Variants in TTBK2 observed in about 807,000 individuals in gnomAD.
TTBK2 encodes tau-tubulin kinase 2.
A neutral mutation model predicts 110.8 loss-of-function variants in TTBK2; 28 were observed. The observed-to-expected ratio is 0.25, with a 90% CI of 0.19 to 0.35. The LOEUF is 0.35. TTBK2 is among the 10% of genes least tolerant of loss of function. The pLI is 1.00. For synonymous variants in TTBK2, 532 were observed against 527.3 expected, an observed-to-expected ratio of 1.01 and a Z score of -0.12; for missense variants, 1,369 against 1,500.3, an observed-to-expected ratio of 0.91 and a Z score of 1.45.
chr15:42,765,163 C>A (rs140929424), intron 13 of TTBK2, among the ~76,000 whole-genome samples: 17 of 152,272 alleles, frequency 1.1e-4, no homozygotes, highest in Middle Eastern at 3.4e-3. Context: ...TGGGAAGAAA[C>A]CAGAGCAGAA....
intron 3 of TTBK2, among the ~76,000 whole-genome samples, chr15:42,846,676 T>C (rs556105617): frequency 6.6e-6 from 1 of 152,352 alleles, no homozygotes; most frequent in East Asian, 1.9e-4. Context: ...TATTACTCTT[T>C]TGATAACACC....
At chr15:42,772,372 G>A (rs1358026551) in intron 13 of TTBK2, among the ~76,000 whole-genome samples, 4 of 152,114 alleles carry the variant, frequency 2.6e-5, no homozygotes, top group Non-Finnish European at 5.9e-5. Flanking sequence ...TCATGTGAGT[G>A]AGCTTGGAAG....
At chr15:42,798,166 G>C in intron 9 of TTBK2, 1 of 455,210 alleles carries the variant, frequency 2.2e-6, no homozygotes. Flanking sequence ...TTATAGGCAT[G>C]AGACACCATG....
chr15:42,873,563 T>C (rs1414976596), intron 2 of TTBK2, among the ~76,000 whole-genome samples: 2 of 152,046 alleles, frequency 1.3e-5, no homozygotes, highest in Non-Finnish European at 2.9e-5. Context: ...ATCCCAGAAT[T>C]CACTATACAT....
intron 3 of TTBK2, chr15:42,857,333 T>C (rs550824288): frequency 1.3e-5 from 2 of 152,168 alleles, no homozygotes; most frequent in East Asian, 1.9e-4. Context: ...CTGGGCAATA[T>C]AGCAAAACCC....
intron 9 of TTBK2, among the ~76,000 whole-genome samples, chr15:42,803,879 T>C (rs1193942345): frequency 6.7e-6 from 1 of 150,344 alleles, no homozygotes; most frequent in Non-Finnish European, 1.5e-5. Context: ...ACATAAAAAT[T>C]AGCCAGATGT....
intron 3 of TTBK2, among the ~76,000 whole-genome samples, chr15:42,872,029 CT>C (rs1271701487): frequency 1.3e-5 from 2 of 152,106 alleles, no homozygotes; most frequent in East Asian, 3.9e-4. Flanking sequence ...TTTTATACCA[CT>C]GGATTCATGT....
chr15:42,918,766 A>C (rs555570362), intron 1 of TTBK2, among the ~76,000 whole-genome samples: 11 of 152,326 alleles, frequency 7.2e-5, no homozygotes, highest in African/African-American at 2.4e-4. Flanking sequence ...AACCTCTTGA[A>C]GATTTCCTGA....
intron 6 of TTBK2, among the ~76,000 whole-genome samples, chr15:42,824,207 G>C (rs1455151673): frequency 2.6e-5 from 4 of 152,056 alleles, no homozygotes; most frequent in Admixed American, 2.6e-4. Context: ...TCCAGCACTG[G>C]AATCAAATTT....
At position 42,878,610 on chromosome 15, in the gene TTBK2, C is replaced by A. The variant is rs757263967; in HGVS notation, c.8G>T (p.Gly3Val). The change falls in exon 2 of 15, where the codon GGG (glycine) becomes GTG (valine). Residue 3 changes from glycine (G) to valine (V), a missense_variant. Around this residue, in one of 4 missense-constraint regions of TTBK2, gnomAD observed 122 missense variants for 159.7 expected, o/e 0.76. Coordinates refer to ENST00000267890, the MANE Select transcript of TTBK2 (RefSeq NM_173500.4). MS[G>V]GGEQLDILSV... ...CAGGATATCCAGCTGCTCTCCTCCCCCACTCATTGCAATACACTGATATGG... is the reference window on the plus strand; with the variant it reads ...CAGGATATCCAGCTGCTCTCCTCCCACACTCATTGCAATACACTGATATGG... The A allele has an allele frequency of 1.2e-6, 2 of 1,613,846 alleles. No individual in the cohort carries two copies. Among genetic ancestry groups the A allele is most frequent in the Non-Finnish European group, 1.7e-6 (2 of 1,179,962 alleles).
At chr15:42,895,640 C>T (rs1341109653) in intron 1 of TTBK2, among the ~76,000 whole-genome samples, 1 of 151,766 alleles carries the variant, frequency 6.6e-6, no homozygotes, top group Non-Finnish European at 1.5e-5. Context: ...CGGGTTCACG[C>T]CATTCTCCTG....
chr15:42,847,306 T>C (rs1893509646), intron 3 of TTBK2, among the ~76,000 whole-genome samples: 1 of 152,238 alleles, frequency 6.6e-6, no homozygotes, highest in African/African-American at 2.4e-5. Flanking sequence ...GTTTTCAGAG[T>C]GCTTTATATA....
At chr15:42,809,117 T>C (rs1211105149) in intron 9 of TTBK2, among the ~76,000 whole-genome samples, 1 of 152,268 alleles carries the variant, frequency 6.6e-6, no homozygotes, top group East Asian at 1.9e-4. Context: ...AACATCTTTT[T>C]TCAATTATCC....
chr15:42,848,036 G>A (rs1893540731), intron 3 of TTBK2, among the ~76,000 whole-genome samples: 1 of 152,176 alleles, frequency 6.6e-6, no homozygotes, highest in African/African-American at 2.4e-5. Flanking sequence ...AGTTTATAGA[G>A]ATGCGGGTCT....
intron 6 of TTBK2, among the ~76,000 whole-genome samples, chr15:42,824,321 G>A (rs1260508879): frequency 1.3e-5 from 2 of 152,022 alleles, no homozygotes. Context: ...CCACCAAAAC[G>A]TGCATGTTGA....
intron 13 of TTBK2, among the ~76,000 whole-genome samples, chr15:42,763,189 TATA>T (rs1378566253): frequency 7.9e-4 from 21 of 26,528 alleles, no homozygotes; most frequent in South Asian, 1.4e-3. Context: ...TATATATATA[TATA>T]TTTTTTTTTT....
intron 13 of TTBK2, among the ~76,000 whole-genome samples, chr15:42,767,310 T>C (rs1889428010): frequency 6.6e-6 from 1 of 151,942 alleles, no homozygotes; most frequent in Non-Finnish European, 1.5e-5. Flanking sequence ...CTTCAAAAAA[T>C]CAATGAATCC....
intron 11 of TTBK2, among the ~76,000 whole-genome samples, chr15:42,782,955 G>C (rs1214272230): frequency 6.6e-6 from 1 of 152,054 alleles, no homozygotes; most frequent in Non-Finnish European, 1.5e-5. Context: ...AGAAAAATCT[G>C]ACACTGACTC....
At chr15:42,844,780 C>T (rs554830091) in intron 3 of TTBK2, among the ~76,000 whole-genome samples, 1 of 152,130 alleles carries the variant, frequency 6.6e-6, no homozygotes, top group Non-Finnish European at 1.5e-5. Flanking sequence ...TGCTCTTAAC[C>T]ATTATGCCCA....
Sources: gnomAD v4.1 joint callset for allele counts (sites outside exome capture counted in the v4.1 genomes callset) on GRCh38, gnomAD v4.1.1 for gene constraint, gnomAD v4.1.1 regional missense constraint, MANE v1.5 for transcripts, NCBI Gene and HGNC (gene_info 2026-07-23, HGNC 2026-07-21) for gene names.